The following CDADC1 variants were observed in gnomAD, a reference collection of about 807,000 sequenced individuals.
The protein encoded by CDADC1 is cytidine and dCMP deaminase domain containing 1, also known as dCTP deaminase.
In CDADC1, 39 loss-of-function variants were observed where a neutral mutation model predicts 54.9. That is an observed-to-expected ratio of 0.71 (90% CI 0.55 to 0.93). The LOEUF is 0.93. Among genes scored for constraint, CDADC1 ranks in the 40% least tolerant of loss-of-function variants. CDADC1 has a pLI of 0.00. For missense variants in CDADC1, 518 were observed against 618.8 expected (o/e 0.84, Z 1.73); for synonymous variants, 186 against 204.0 (o/e 0.91, Z 0.75).
intron 4 of CDADC1, chr13:49,266,049 C>A: frequency 1.4e-6 from 1 of 718,308 alleles, no homozygotes; most frequent in Non-Finnish European, 2.0e-6. Flanking sequence ...CACAGTGAGT[C>A]AGGAGTACCA....
chr13:49,248,793 C>T (rs1952355480), intron 1 of CDADC1, 78 bp from the exon 2 acceptor site: 1 of 883,504 alleles, frequency 1.1e-6, no homozygotes, highest in Non-Finnish European at 1.9e-6. Context: ...TAGGCTGCAG[C>T]ACCTAAGTGG....
At chr13:49,259,684 CTACAAAAAATAAGTTAGCTAG>C (rs1952627393) in intron 4 of CDADC1, among the ~76,000 whole-genome samples, 161 bp downstream of exon 4, 2 of 152,110 alleles carry the variant, frequency 1.3e-5, no homozygotes, top group African/African-American at 4.8e-5. Context: ...GACCTCATCA[CTACAAAAAATAAGTTAGCTAG>C]GCATGGTGAT....
chr13:49,276,622 C>T (rs1953141308), intron 6 of CDADC1, among the ~76,000 whole-genome samples: 1 of 151,980 alleles, frequency 6.6e-6, no homozygotes, highest in Non-Finnish European at 1.5e-5. Context: ...ACAATGGATT[C>T]CACCTTCAAA....
chr13:49,266,868 A>G (rs1308130976), intron 4 of CDADC1, among the ~76,000 whole-genome samples: 2 of 152,212 alleles, frequency 1.3e-5, no homozygotes, highest in African/African-American at 4.8e-5. Flanking sequence ...TATTTATTCC[A>G]GATAGAAAAC....
Position 49,268,069 on chromosome 13 carries a change from A to C in CDADC1, c.1000+10A>C. ...TTGGCATATCGAACTGGTGAGTTAC[A>C]TAGATCGTAAATTGGGGCTGATTGG... On this transcript the variant is annotated intron_variant, in intron 5 of 9. Transcript: ENST00000251108. 6.3e-7 allele frequency: 1 copy of C among 1,592,502 alleles called. No homozygotes were observed. Among genetic ancestry groups the C allele is most frequent in the Non-Finnish European group, 8.6e-7 (1 of 1,168,370 alleles).
chr13:49,274,735 A>T (rs949642828), intron 6 of CDADC1, among the ~76,000 whole-genome samples: 2 of 152,162 alleles, frequency 1.3e-5, no homozygotes, highest in Non-Finnish European at 1.5e-5. Flanking sequence ...AGATTTGCTC[A>T]TCCCTCAACA....
At chr13:49,279,432 T>G (rs553864841) in intron 7 of CDADC1, among the ~76,000 whole-genome samples, 23 of 152,274 alleles carry the variant, frequency 1.5e-4, no homozygotes, top group African/African-American at 5.1e-4. Context: ...GCTTCTAGCA[T>G]AAGCAACGGT....
intron 8 of CDADC1, among the ~76,000 whole-genome samples, chr13:49,283,785 T>C (rs1449014157): frequency 1.3e-5 from 2 of 152,194 alleles, no homozygotes; most frequent in Non-Finnish European, 2.9e-5. Context: ...AAGGCTGTTG[T>C]TCATGGTTGT....
At position 49,278,786 on chromosome 13, in the gene CDADC1, C is replaced by T. The variant is rs1304929934; in HGVS notation, c.1220+267C>T. Among the ~76,000 whole-genome samples, 3 of 152,098 alleles carry T rather than the reference C, an allele frequency of 2.0e-5. No individual in the cohort carries two copies. The East Asian group carries it at 5.8e-4, about 29-fold the overall frequency. On this transcript the variant is annotated intron_variant, in intron 7 of 9. Coordinates refer to ENST00000251108, the MANE Select transcript of CDADC1 (RefSeq NM_030911.4). ...CAATATGAAACTGCTTTAAGTTTAT[C>T]CTTTGGGATCTTGCTCAGCCTCTCA...
At chr13:49,255,273 G>A (rs1031872265) in intron 2 of CDADC1, among the ~76,000 whole-genome samples, 6 of 152,020 alleles carry the variant, frequency 3.9e-5, no homozygotes, top group South Asian at 2.1e-4. Context: ...TGATAACATC[G>A]GGCCAATCAG....
Position 49,267,604 on chromosome 13 carries a change from C to T in CDADC1, c.545C>T (p.Ser182Leu). The T allele has an allele frequency of 6.2e-7, 1 of 1,614,090 alleles. No homozygotes were observed. The highest frequency in any genetic ancestry group is 2.2e-5 in the East Asian group (1 of 44,882). ...LDAKAVERLK[S>L]NSRAHVCVLL... ...GCCAAAGCAGTGGAAAGATTGAAGT[C>T]AAACAGTCGGGCCCATGTGTGTGTC... The change falls in exon 5 of 10, where the codon TCA becomes TTA. Residue 182 changes from serine to leucine, a missense_variant. By Grantham distance (145) the Ser-to-Leu change is moderately radical. Coordinates refer to ENST00000251108, the MANE Select transcript of CDADC1 (RefSeq NM_030911.4).
intron 3 of CDADC1, 66 bp downstream of exon 3, chr13:49,255,979 G>A: frequency 6.6e-7 from 1 of 1,525,776 alleles, no homozygotes; most frequent in Non-Finnish European, 8.8e-7. Flanking sequence ...GTATAAAGTA[G>A]AATAAAAGTG....
intron 3 of CDADC1, 32 bp from the exon 4 acceptor site, chr13:49,259,314 C>G (rs746282959): frequency 6.8e-7 from 1 of 1,462,586 alleles, no homozygotes; most frequent in Non-Finnish European, 9.4e-7. Context: ...GGTGTTATAA[C>G]TAATAAGTTG....
chr13:49,280,591 G>A lies in CDADC1; in HGVS notation c.1303G>A (p.Gly435Ser). ...TGATGAGTGTGTACCTTTAATTAAAGGTGCAGGCATAAAACAAATCTATGC... is the reference window on the plus strand; with the variant it reads ...TGATGAGTGTGTACCTTTAATTAAAAGTGCAGGCATAAAACAAATCTATGC... Reference protein sequence around the residue: ...PCDECVPLIKGAGIKQIYAGD... With the variant: ...PCDECVPLIKSAGIKQIYAGD... Residue 435 changes from glycine to serine, a missense_variant, in exon 8 of 10, where the codon GGT becomes AGT. By Grantham distance (56) the Gly-to-Ser change is moderately conservative (BLOSUM62 0). Transcript: ENST00000251108. 6.3e-7 allele frequency: 1 copy of A among 1,589,846 alleles called. No individual in the cohort carries two copies. Among genetic ancestry groups the A allele is most frequent in the Non-Finnish European group, 8.6e-7 (1 of 1,167,880 alleles).
At chr13:49,261,954 T>G (rs1952696020) in intron 4 of CDADC1, among the ~76,000 whole-genome samples, 1 of 152,206 alleles carries the variant, frequency 6.6e-6, no homozygotes, top group African/African-American at 2.4e-5. Context: ...AATTGCTATG[T>G]TAGATTAGGC....
chr13:49,261,163 T>G (rs1751574105), intron 4 of CDADC1, among the ~76,000 whole-genome samples: 1 of 152,228 alleles, frequency 6.6e-6, no homozygotes, highest in African/African-American at 2.4e-5. Flanking sequence ...GAGAAAGAGC[T>G]ATTTTTATTT....
At chr13:49,291,456 G>A (rs1246950889) in intron 9 of CDADC1, among the ~76,000 whole-genome samples, 4 of 152,130 alleles carry the variant, frequency 2.6e-5, no homozygotes, top group Admixed American at 2.6e-4. Context: ...ACAGACGTGA[G>A]CCATTGCACC....
intron 9 of CDADC1, among the ~76,000 whole-genome samples, chr13:49,290,998 C>A (rs570521803): frequency 6.6e-6 from 1 of 152,060 alleles, no homozygotes; most frequent in Non-Finnish European, 1.5e-5. Context: ...CAGATAAGTC[C>A]GTCTTCCTTC....
intron 8 of CDADC1, among the ~76,000 whole-genome samples, chr13:49,284,932 G>T (rs1305539166): frequency 6.6e-6 from 1 of 152,160 alleles, no homozygotes. Flanking sequence ...GAAAAGAAGG[G>T]CTGTGCTATA....
Sources: gnomAD v4.1 joint callset for allele counts (sites outside exome capture counted in the v4.1 genomes callset) on GRCh38, gnomAD v4.1.1 for gene constraint, MANE v1.5 for transcripts, NCBI Gene and HGNC (gene_info 2026-07-23, HGNC 2026-07-21) for gene names.